GNA12: variants seen among roughly 807,000 people sequenced by gnomAD.
GNA12 encodes guanine nucleotide-binding protein subunit alpha-12.
In GNA12, 9 loss-of-function variants were observed where a neutral mutation model predicts 26.0. That is an observed-to-expected ratio of 0.35 (90% CI 0.21 to 0.60). The LOEUF (loss-of-function observed/expected upper bound fraction) is 0.60, where lower values mean the gene tolerates loss of function less well. GNA12 is among the 20% of genes least tolerant of loss of function. GNA12 has a pLI of 0.78. For missense variants in GNA12, 405 were observed against 525.8 expected (o/e 0.77, Z 2.25); for synonymous variants, 264 against 219.6 (o/e 1.20, Z -1.79).
At chr7:2,823,703 AAAAAATT>A (rs1321164040) in intron 1 of GNA12, among the ~76,000 whole-genome samples, 1 of 152,340 alleles carries the variant, frequency 6.6e-6, no homozygotes, top group East Asian at 1.9e-4. Context: ...CAAGCTAAAA[AAAAAATT>A]AAAAATTAAA....
intron 1 of GNA12, among the ~76,000 whole-genome samples, chr7:2,843,539 C>A (rs1190686439): frequency 1.3e-5 from 2 of 151,944 alleles, no homozygotes; most frequent in East Asian, 3.9e-4. Flanking sequence ...CCCACTACTT[C>A]GGGAGGCTAA....
intron 2 of GNA12, among the ~76,000 whole-genome samples, chr7:2,785,933 G>A (rs1792348208): frequency 6.6e-6 from 1 of 152,226 alleles, no homozygotes; most frequent in African/African-American, 2.4e-5. Context: ...CAGGTGTGGT[G>A]GCGGACGCCT....
intron 2 of GNA12, among the ~76,000 whole-genome samples, chr7:2,770,389 A>G (rs964290637): frequency 4.6e-5 from 7 of 152,210 alleles, no homozygotes; most frequent in African/African-American, 1.7e-4. Flanking sequence ...TCAAGCTCAA[A>G]GAGTTCAATT....
intron 2 of GNA12, among the ~76,000 whole-genome samples, chr7:2,742,555 G>A (rs1024720547): frequency 3.3e-5 from 5 of 152,112 alleles, no homozygotes; most frequent in African/African-American, 1.2e-4. Flanking sequence ...CTCTGTCCTC[G>A]CTTACTTTGG....
intron 2 of GNA12, among the ~76,000 whole-genome samples, chr7:2,781,869 G>C (rs951799176): frequency 6.6e-6 from 1 of 152,088 alleles, no homozygotes; most frequent in Non-Finnish European, 1.5e-5. Context: ...ATGAGGAAAA[G>C]AAAACAAAGC....
intron 1 of GNA12, among the ~76,000 whole-genome samples, chr7:2,802,679 G>A (rs1792840736): frequency 6.6e-6 from 1 of 152,138 alleles, no homozygotes; most frequent in Non-Finnish European, 1.5e-5. Flanking sequence ...GACTTGGAAA[G>A]CTCTGTTTTT....
At chr7:2,843,749 C>T in intron 1 of GNA12, 104 bp downstream of exon 1, 1 of 518,584 alleles carries the variant, frequency 1.9e-6, no homozygotes, top group Non-Finnish European at 3.2e-6. Flanking sequence ...GCATCCTCGC[C>T]CCAGGGGTCC....
intron 2 of GNA12, among the ~76,000 whole-genome samples, chr7:2,790,359 C>T (rs1792485787): frequency 6.6e-6 from 1 of 152,196 alleles, no homozygotes; most frequent in African/African-American, 2.4e-5. Context: ...TCAAGTGAAC[C>T]TCCTACCTCA....
intron 2 of GNA12, among the ~76,000 whole-genome samples, chr7:2,745,332 T>C (rs1454811654): frequency 1.3e-5 from 2 of 152,328 alleles, no homozygotes; most frequent in South Asian, 2.1e-4. Flanking sequence ...TGGCAGAAAC[T>C]CTGCAAGCCA....
rs573636981 is a variant in GNA12, at chr7:2,736,541, T to C, written c.526-3040A>G. ...TGGTGGCAGTGAAAGAGGGGTTGTC[T>C]GTTTCAAGCAGCAGCAGCAGGTTGA... On this transcript the variant is annotated intron_variant, in intron 2 of 3. Coordinates refer to ENST00000275364, the MANE Select transcript of GNA12 (RefSeq NM_007353.3). 2.0e-5 allele frequency among the ~76,000 whole-genome samples: 3 copies of C among 152,300 alleles called. No homozygotes were observed. The South Asian group carries it at 6.2e-4, about 32-fold the overall frequency.
intron 2 of GNA12, among the ~76,000 whole-genome samples, chr7:2,748,294 A>T (rs1384643837): frequency 6.6e-6 from 1 of 152,214 alleles, no homozygotes; most frequent in East Asian, 1.9e-4. Context: ...ACAGCATGGT[A>T]CTGGTACCAA....
intron 2 of GNA12, chr7:2,764,642 G>A (rs1048582098): frequency 6.6e-6 from 1 of 152,248 alleles, no homozygotes; most frequent in South Asian, 2.1e-4. Context: ...CATCAGAGCT[G>A]AGGCTGCCCT....
chr7:2,736,191 A>T (rs208356), intron 2 of GNA12, among the ~76,000 whole-genome samples: 53,288 of 152,062 alleles, frequency 0.35, 9,903 homozygotes, highest in East Asian at 0.63. Flanking sequence ...TGTCCACATG[A>T]AATTAACCGC....
Position 2,773,986 on chromosome 7 carries a change from G to A in GNA12, c.525+20942C>T, listed in dbSNP as rs149362679. Among the ~76,000 whole-genome samples, 493 of 152,318 alleles carry A rather than the reference G, an allele frequency of 3.2e-3. 2 individuals carry two copies. Among genetic ancestry groups the A allele is most frequent in the Non-Finnish European group, 4.4e-3 (298 of 68,028 alleles). Reference sequence around the variant, plus strand: ...GAAGAACCGCACAAAACGAAATGGCGACGAGAAGGAGCCAGTAACACAGGA... The same window carrying A: ...GAAGAACCGCACAAAACGAAATGGCAACGAGAAGGAGCCAGTAACACAGGA... On this transcript the variant is annotated intron_variant, in intron 2 of 3. Coordinates refer to ENST00000275364, the MANE Select transcript of GNA12 (RefSeq NM_007353.3).
intron 1 of GNA12, among the ~76,000 whole-genome samples, chr7:2,815,456 T>A (rs1331528344): frequency 2.0e-5 from 3 of 152,088 alleles, no homozygotes; most frequent in Non-Finnish European, 4.4e-5. Context: ...TCAGCGCAGG[T>A]TGGAGTGCAG....
In GNA12 at chr7:2,749,494, C is replaced by G. The variant is rs191970431; in HGVS notation, c.526-15993G>C. On this transcript the variant is annotated intron_variant, in intron 2 of 3. Coordinates refer to ENST00000275364, the MANE Select transcript of GNA12 (RefSeq NM_007353.3). ...CATGGACACGGGAAGGGGAACATCA[C>G]ACACCGGGGACTATTGTGGGGTAGG... 9.3e-4 allele frequency among the ~76,000 whole-genome samples: 132 copies of G among 142,682 alleles called. 1 individual carries two copies. The highest frequency in any genetic ancestry group is 3.4e-3 in the African/African-American group (127 of 37,712). The allele number at this position is 142,682 out of a possible 152,430, so 93.6% of individuals were successfully genotyped here.
intron 2 of GNA12, among the ~76,000 whole-genome samples, chr7:2,782,880 T>C (rs752953842): frequency 6.6e-6 from 1 of 152,218 alleles, no homozygotes; most frequent in Non-Finnish European, 1.5e-5. Context: ...TCTTCCATTA[T>C]TTCTTCTAGT....
In GNA12 at chr7:2,731,688, C is replaced by T. The variant is rs1033732554; in HGVS notation, c.639G>A (p.Glu213=). Residue 213 remains glutamate, a synonymous_variant, in exon 4 of 4, where the codon GAG becomes GAA. Transcript: ENST00000275364. The surrounding 1 kb of genome is among the most constrained non-coding windows in gnomAD (Gnocchi z 6.0). ...GGATCTTCTTAATAACGAAGTCATG[C>T]TCCACAATTCCCTTGGTGGCTTTCC... is the stretch of plus-strand genomic sequence containing the variant. ...LARKATKGIV[E]HDFVIKKIPF... 5 of 1,598,704 alleles carry T rather than the reference C, an allele frequency of 3.1e-6. No homozygotes were observed. In the African/African-American group the frequency reaches 6.7e-5, roughly 21 times the overall value.
At chr7:2,813,316 G>T (rs1034873112) in intron 1 of GNA12, among the ~76,000 whole-genome samples, 34 of 152,200 alleles carry the variant, frequency 2.2e-4, no homozygotes, top group Non-Finnish European at 8.8e-5. Context: ...CCACAGTCAT[G>T]TTTTCATTTA....
Sources: allele counts gnomAD v4.1 joint callset (sites outside exome capture counted in the v4.1 genomes callset), GRCh38; gene constraint gnomAD v4.1.1; non-coding constraint Gnocchi (gnomAD v3.1); transcripts MANE v1.5; gene names NCBI Gene and HGNC (gene_info 2026-07-23, HGNC 2026-07-21).